The following PKHD1 variants were observed in gnomAD, a reference collection of about 807,000 sequenced individuals.
The protein encoded by PKHD1 is fibrocystin.
PKHD1 carries 291 observed loss-of-function variants against 412.0 expected under a neutral mutation model. That is an observed-to-expected ratio of 0.71 (90% CI 0.64 to 0.78). The LOEUF is 0.78. PKHD1 is among the 30% of genes least tolerant of loss of function. PKHD1 has a pLI of 0.00. For missense variants in PKHD1, 4,825 were observed against 4,950.7 expected, an observed-to-expected ratio of 0.97 and a Z score of 0.76; for synonymous variants, 1,777 against 1,821.5, an observed-to-expected ratio of 0.98 and a Z score of 0.62.
At chr6:52,078,349 G>A (rs1324459160) in intron 5 of PKHD1, among the ~76,000 whole-genome samples, 1 of 152,166 alleles carries the variant, frequency 6.6e-6, no homozygotes, top group Non-Finnish European at 1.5e-5. Flanking sequence ...GGGCCCCAGT[G>A]TGGTCAGTAG....
intron 35 of PKHD1, among the ~76,000 whole-genome samples, chr6:51,965,493 G>C (rs1355544972): frequency 6.6e-6 from 1 of 150,636 alleles, no homozygotes; most frequent in Non-Finnish European, 1.5e-5. Context: ...AACTCTTTAG[G>C]GACCAAAAAG....
At chr6:51,886,479 A>G (rs1778233643) in intron 44 of PKHD1, among the ~76,000 whole-genome samples, 1 of 152,216 alleles carries the variant, frequency 6.6e-6, no homozygotes, top group African/African-American at 2.4e-5. Context: ...AGAGAAGGAA[A>G]TCCTGCCATT....
chr6:51,725,874 T>C (rs1160222986), intron 60 of PKHD1, among the ~76,000 whole-genome samples: 2 of 152,170 alleles, frequency 1.3e-5, no homozygotes, highest in Non-Finnish European at 2.9e-5. Context: ...GTGAGCATAA[T>C]TCATTGCCCT....
chr6:52,025,725 C>T lies in PKHD1; in HGVS notation c.4085G>A (p.Gly1362Asp), dbSNP rs142965278. 6.2e-6 allele frequency: 10 copies of T among 1,614,042 alleles called. No homozygotes were observed. The highest frequency in any genetic ancestry group is 2.7e-5 in the African/African-American group (2 of 74,918). Residue 1362 changes from glycine to aspartate, a missense_variant, in exon 32 of 67, where the codon GGC becomes GAC. By Grantham distance (94) the Gly-to-Asp change is moderately conservative (BLOSUM62 -1). Transcript: ENST00000371117. ...CSIPLHSLEA[G>D]IYPLQVRQKQ... is the part of the protein sequence containing the mutation. Reference sequence around the variant, plus strand: ...CTGACGTACTTGGAGAGGATAGATGCCAGCCTCCAGACTGTGAAGAGGGAT... The same window carrying T: ...CTGACGTACTTGGAGAGGATAGATGTCAGCCTCCAGACTGTGAAGAGGGAT...
At chr6:52,043,306 G>A (rs1805235124) in intron 26 of PKHD1, among the ~76,000 whole-genome samples, 172 bp from the exon 27 acceptor site, 1 of 152,114 alleles carries the variant, frequency 6.6e-6, no homozygotes, top group Admixed American at 6.6e-5. Flanking sequence ...TGTTATTGTA[G>A]TACACAGCCC....
chr6:51,997,211 A>G (rs1797817845), intron 35 of PKHD1, among the ~76,000 whole-genome samples: 1 of 152,192 alleles, frequency 6.6e-6, no homozygotes, highest in Non-Finnish European at 1.5e-5. Context: ...AGAGAAAGCA[A>G]CCTTAGGTTG....
chr6:52,086,103 CAA>C (rs1562313470), intron 1 of PKHD1, among the ~76,000 whole-genome samples: 6 of 142,784 alleles, frequency 4.2e-5, no homozygotes, highest in Admixed American at 1.4e-4. Flanking sequence ...TACACACACA[CAA>C]AGTGTGTGTG....
intron 43 of PKHD1, among the ~76,000 whole-genome samples, chr6:51,889,162 A>C (rs1278203238): frequency 1.3e-5 from 2 of 151,934 alleles, no homozygotes; most frequent in African/African-American, 2.4e-5. Context: ...CGAGACAAGG[A>C]ATGTCTGGAG....
intron 60 of PKHD1, among the ~76,000 whole-genome samples, chr6:51,671,838 G>C (rs1775046852): frequency 6.6e-6 from 1 of 152,136 alleles, no homozygotes; most frequent in Non-Finnish European, 1.5e-5. Context: ...CTGCTGGGGG[G>C]TGCCTCCCAG....
At chr6:52,072,428 T>A (rs952400658) in intron 7 of PKHD1, among the ~76,000 whole-genome samples, 3 of 152,140 alleles carry the variant, frequency 2.0e-5, no homozygotes, top group African/African-American at 7.2e-5. Flanking sequence ...CCAAAAAACC[T>A]TCATCATCTC....
chr6:52,030,755 CAG>C (rs953224563), intron 29 of PKHD1, among the ~76,000 whole-genome samples: 13 of 152,286 alleles, frequency 8.5e-5, no homozygotes, highest in African/African-American at 3.1e-4. Flanking sequence ...GCCTCTGGGA[CAG>C]AGAGCTCCAA....
chr6:51,696,958 G>A (rs1418623098), intron 60 of PKHD1, among the ~76,000 whole-genome samples: 1 of 152,168 alleles, frequency 6.6e-6, no homozygotes, highest in Non-Finnish European at 1.5e-5. Context: ...GGAGGTTGAG[G>A]TGAGCAGATC....
intron 36 of PKHD1, among the ~76,000 whole-genome samples, chr6:51,949,961 A>T (rs1390796882): frequency 6.6e-6 from 1 of 151,988 alleles, no homozygotes; most frequent in African/African-American, 2.4e-5. Flanking sequence ...CCTTTAGCTG[A>T]TACTGCTTAT....
intron 45 of PKHD1, among the ~76,000 whole-genome samples, chr6:51,885,081 TACAA>T (rs956837855): frequency 3.9e-5 from 6 of 152,228 alleles, no homozygotes; most frequent in Admixed American, 6.5e-5. Flanking sequence ...CTGAAGGCTC[TACAA>T]ACATAGTTCT....
chr6:51,786,254 T>C (rs1190560713), intron 53 of PKHD1, among the ~76,000 whole-genome samples: 1 of 152,098 alleles, frequency 6.6e-6, no homozygotes. Flanking sequence ...AGATCAAAAT[T>C]CTCACTAGGT....
intron 21 of PKHD1, among the ~76,000 whole-genome samples, chr6:52,050,883 G>A (rs1311011184): frequency 3.9e-5 from 6 of 152,190 alleles, no homozygotes; most frequent in Admixed American, 1.3e-4. Context: ...TGTGTAAAGC[G>A]GGGATTATGA....
At chr6:51,946,937 T>G (rs1434190183) in intron 36 of PKHD1, among the ~76,000 whole-genome samples, 3 of 152,190 alleles carry the variant, frequency 2.0e-5, no homozygotes, top group South Asian at 2.1e-4. Context: ...TAATTTGTTG[T>G]TTTTTTTAAG....
intron 5 of PKHD1, 97 bp from the exon 6 acceptor site, chr6:52,076,430 A>G (rs181660512): frequency 2.0e-5 from 17 of 834,600 alleles, no homozygotes; most frequent in East Asian, 2.0e-4. Context: ...CTTGAAGGTA[A>G]TAAATGCTTA....
At chr6:52,018,676 G>A (rs774784776) in intron 33 of PKHD1, among the ~76,000 whole-genome samples, 84 of 152,146 alleles carry the variant, frequency 5.5e-4, no homozygotes, top group Non-Finnish European at 8.8e-4. Context: ...ACCACACCCC[G>A]GATGATCTTT....
Sources: allele counts gnomAD v4.1 joint callset (sites outside exome capture counted in the v4.1 genomes callset), GRCh38; gene constraint gnomAD v4.1.1; transcripts MANE v1.5; gene names NCBI Gene and HGNC (gene_info 2026-07-23, HGNC 2026-07-21).